The following MAPK10 variants were observed in gnomAD, a reference collection of about 807,000 sequenced individuals.
The protein encoded by MAPK10 is JNK3 alpha protein kinase.
Under a neutral mutation model 59.3 loss-of-function variants are expected in MAPK10, and 25 were observed. That is an observed-to-expected ratio of 0.42 (90% CI 0.31 to 0.59). MAPK10 has a LOEUF of 0.59. Among genes scored for constraint, MAPK10 ranks in the 20% least tolerant of loss-of-function variants. The probability of loss-of-function intolerance (pLI) is 0.15; values close to 1 mark genes in which losing one functional copy is unlikely to be tolerated. For synonymous variants in MAPK10, 190 were observed against 200.5 expected, an observed-to-expected ratio of 0.95 and a Z score of 0.44; for missense variants, 351 against 568.9, an observed-to-expected ratio of 0.62 and a Z score of 3.90.
At chr4:86,099,048 T>G (rs1247447663) in intron 8 of MAPK10, 1 of 153,000 alleles carries the variant, frequency 6.5e-6, no homozygotes, top group Non-Finnish European at 1.5e-5. Context: ...AGAGACCACC[T>G]TTTTTTTCAG....
intron 2 of MAPK10, among the ~76,000 whole-genome samples, chr4:86,281,834 T>C (rs1005806938): frequency 6.6e-6 from 1 of 152,040 alleles, no homozygotes; most frequent in African/African-American, 2.4e-5. Context: ...ATAATACAAC[T>C]ATTGATTGGA....
chr4:86,296,604 G>A (rs2095366783), intron 2 of MAPK10, among the ~76,000 whole-genome samples: 1 of 152,140 alleles, frequency 6.6e-6, no homozygotes, highest in Non-Finnish European at 1.5e-5. Context: ...CATAGAACTG[G>A]AATGTAAATA....
chr4:86,187,884 C>T (rs959630242), intron 3 of MAPK10, among the ~76,000 whole-genome samples: 1 of 152,094 alleles, frequency 6.6e-6, no homozygotes, highest in African/African-American at 2.4e-5. Flanking sequence ...CTGTCATCTA[C>T]ATTAGGTGTT....
intron 1 of MAPK10, among the ~76,000 whole-genome samples, chr4:86,552,502 AAAGGAAGGAAGG>A (rs771664348): frequency 0.027 from 902 of 32,928 alleles, 22 homozygotes; most frequent in Admixed American, 0.069. Context: ...GGAGGGAAGG[AAAGGAAGGAAGG>A]AAGGAAGGAA....
intron 1 of MAPK10, among the ~76,000 whole-genome samples, chr4:86,541,511 A>G (rs1758694458): frequency 6.6e-6 from 1 of 152,196 alleles, no homozygotes; most frequent in Non-Finnish European, 1.5e-5. Context: ...AAATCTTGAG[A>G]GGGAAAAATA....
At chr4:86,239,682 G>T (rs1248098229) in intron 2 of MAPK10, among the ~76,000 whole-genome samples, 1 of 151,354 alleles carries the variant, frequency 6.6e-6, no homozygotes, top group Non-Finnish European at 1.5e-5. Context: ...TTTCTGTGGG[G>T]TCAGTGGCGA....
intron 1 of MAPK10, among the ~76,000 whole-genome samples, chr4:86,418,748 T>C (rs1193430006): frequency 2.0e-5 from 3 of 152,132 alleles, no homozygotes; most frequent in Admixed American, 6.5e-5. Context: ...CAGTTCACAA[T>C]TGCAAAAATA....
intron 4 of MAPK10, among the ~76,000 whole-genome samples, chr4:86,146,973 T>A (rs1371742686): frequency 6.6e-6 from 1 of 152,248 alleles, no homozygotes; most frequent in Non-Finnish European, 1.5e-5. Context: ...GTGTCTAATA[T>A]GAGTCAGTAA....
intron 2 of MAPK10, among the ~76,000 whole-genome samples, chr4:86,224,416 T>TGAGTA (rs2090247183): frequency 6.6e-6 from 1 of 152,092 alleles, no homozygotes; most frequent in East Asian, 1.9e-4. Flanking sequence ...AGCTTAAGAA[T>TGAGTA]GAGTAGAAGT....
In MAPK10 at chr4:86,096,616, T is replaced by C. The variant is rs147565987; in HGVS notation, c.802+1908A>G. 3.9e-3 allele frequency among the ~76,000 whole-genome samples: 590 copies of C among 152,088 alleles called. 1 individual carries two copies. Among genetic ancestry groups the C allele is most frequent in the African/African-American group, 0.013 (534 of 41,544 alleles). On this transcript the variant is annotated intron_variant, in intron 9 of 13. Transcript: ENST00000641462. ...CATGAGAGAGATGTGGCTGTGCAAC[T>C]TCACTCTGAGTATTGATTGAGAGGT... is the stretch of plus-strand genomic sequence containing the variant.
At chr4:86,394,175 A>C (rs1742613802) in intron 1 of MAPK10, among the ~76,000 whole-genome samples, 1 of 152,128 alleles carries the variant, frequency 6.6e-6, no homozygotes, top group South Asian at 2.1e-4. Context: ...AGGCTGAGGC[A>C]GGAGAATTGC....
chr4:86,330,624 C>T (rs1015043106), intron 2 of MAPK10, among the ~76,000 whole-genome samples: 6 of 152,124 alleles, frequency 3.9e-5, no homozygotes, highest in Non-Finnish European at 8.8e-5. Context: ...CCCTTCCTAT[C>T]ATCATGTGAA....
At chr4:86,462,744 A>C (rs1751857626) in intron 1 of MAPK10, among the ~76,000 whole-genome samples, 1 of 152,174 alleles carries the variant, frequency 6.6e-6, no homozygotes, top group Non-Finnish European at 1.5e-5. Context: ...GATTTATTAC[A>C]ACAATGGGGA....
At chr4:86,119,238 T>C (rs1348399924) in intron 4 of MAPK10, among the ~76,000 whole-genome samples, 3 of 152,146 alleles carry the variant, frequency 2.0e-5, no homozygotes, top group Non-Finnish European at 4.4e-5. Flanking sequence ...AGATGCACAG[T>C]GATTTTTGAG....
At chr4:86,363,228 T>C (rs1028821633), upstream of MAPK10, among the ~76,000 whole-genome samples, 1 of 152,180 alleles carries the variant, frequency 6.6e-6, no homozygotes, top group African/African-American at 2.4e-5. Flanking sequence ...TAGCATTTAC[T>C]TTGTACTAGT....
chr4:86,294,512 T>C lies in MAPK10; in HGVS notation c.-7+60018A>G, dbSNP rs554031375. Among the ~76,000 whole-genome samples, 8 of 151,668 alleles carry C rather than the reference T, an allele frequency of 5.3e-5. No individual in the cohort carries two copies. In the South Asian group the frequency reaches 1.7e-3, roughly 32 times the overall value. ...CATGAGGGATTAACAGCCCAGAGAA[T>C]TGCCCTCCTACTGTGAAAAAGAAAA... On this transcript the variant is annotated intron_variant, in intron 2 of 13. Coordinates refer to ENST00000641462, the MANE Select transcript of MAPK10 (RefSeq NM_138982.4).
chr4:86,266,071 A>G (rs1338974408), intron 2 of MAPK10, among the ~76,000 whole-genome samples: 1 of 152,192 alleles, frequency 6.6e-6, no homozygotes, highest in Non-Finnish European at 1.5e-5. Flanking sequence ...AATGTGGTAA[A>G]CTTGTTTGGC....
chr4:86,037,306 G>T (rs895238577), intron 11 of MAPK10, among the ~76,000 whole-genome samples: 1 of 152,104 alleles, frequency 6.6e-6, no homozygotes, highest in African/African-American at 2.4e-5. Flanking sequence ...AGATCACGAG[G>T]TCAGGAGATC....
chr4:86,063,893 CA>C (rs964143105), intron 11 of MAPK10, among the ~76,000 whole-genome samples: 40 of 146,966 alleles, frequency 2.7e-4, no homozygotes, highest in Admixed American at 1.8e-3. Flanking sequence ...GGTATCTTTT[CA>C]AAAAAAAAAT....
Sources: gnomAD v4.1 joint callset for allele counts (sites outside exome capture counted in the v4.1 genomes callset) on GRCh38, gnomAD v4.1.1 for gene constraint, MANE v1.5 for transcripts, NCBI Gene and HGNC (gene_info 2026-07-23, HGNC 2026-07-21) for gene names.